TTC23: variants seen among roughly 807,000 people sequenced by gnomAD.
TTC23 encodes tetratricopeptide repeat domain 23.
In TTC23, 58 loss-of-function variants were observed where a neutral mutation model predicts 55.1. The ratio of observed to expected loss-of-function variants is 1.05; its 90% CI spans 0.85 to 1.31. TTC23 has a LOEUF of 1.31. Ranked by LOEUF, TTC23 falls within the 50% of genes most tolerant of loss-of-function variation. TTC23 has a pLI of 0.00. For missense variants in TTC23, 516 were observed against 534.4 expected (o/e 0.97, Z 0.34); for synonymous variants, 203 against 199.9 (o/e 1.02, Z -0.13).
chr15:99,185,904 A>G (rs2074616227), intron 9 of TTC23, among the ~76,000 whole-genome samples: 1 of 152,064 alleles, frequency 6.6e-6, no homozygotes, highest in Non-Finnish European at 1.5e-5. Flanking sequence ...ATGCTTTGGA[A>G]CTTTTCTGTA....
intron 5 of TTC23, among the ~76,000 whole-genome samples, chr15:99,227,522 G>A (rs924498439): frequency 6.6e-6 from 1 of 152,132 alleles, no homozygotes; most frequent in Non-Finnish European, 1.5e-5. Flanking sequence ...CTATGGGAGT[G>A]ACTGTTCTTA....
At chr15:99,209,230 T>C (rs1489277810) in intron 8 of TTC23, among the ~76,000 whole-genome samples, 2 of 152,208 alleles carry the variant, frequency 1.3e-5, no homozygotes. Context: ...TTTTAAAAAC[T>C]CTGGAATTTG....
chr15:99,162,358 C>A (rs761018184), intron 10 of TTC23, among the ~76,000 whole-genome samples: 19 of 152,226 alleles, frequency 1.2e-4, no homozygotes, highest in Non-Finnish European at 2.8e-4. Context: ...ATTCAAAACC[C>A]CAATCATTCC....
chr15:99,243,119 C>G (rs183938745), intron 2 of TTC23, among the ~76,000 whole-genome samples: 1 of 152,038 alleles, frequency 6.6e-6, no homozygotes, highest in Non-Finnish European at 1.5e-5. Flanking sequence ...GGATTAATAA[C>G]CAGAATATAT....
Position 99,156,216 on chromosome 15 carries a change from A to T in TTC23, c.1075T>A (p.Tyr359Asn). The T allele has an allele frequency of 1.9e-6, 3 of 1,614,224 alleles. No homozygotes were observed. The highest frequency in any genetic ancestry group is 2.5e-6 in the Non-Finnish European group (3 of 1,180,044). ...AGGTCTGCTCCTCCCAGGAGCCGGT[A>T]TGTCTCTGCCACCTCGGGACTGAAA... ...GDFSPEVAET[Y>N]RLLGGADLAQ... is the part of the protein sequence containing the mutation. The change falls in exon 12 of 14, where the codon TAC (tyrosine) becomes AAC (asparagine). Residue 359 changes from tyrosine to asparagine, a missense_variant. By Grantham distance (143) the Tyr-to-Asn change is moderately radical. Coordinates refer to ENST00000394132, the MANE Select transcript of TTC23 (RefSeq NM_001288615.3).
chr15:99,171,146 G>A (rs963766551), intron 10 of TTC23, among the ~76,000 whole-genome samples: 1 of 152,216 alleles, frequency 6.6e-6, no homozygotes, highest in African/African-American at 2.4e-5. Context: ...CTGCTTCTCT[G>A]CTCTGGCTCT....
At chr15:99,201,875 G>A (rs2076228980) in intron 8 of TTC23, among the ~76,000 whole-genome samples, 1 of 152,190 alleles carries the variant, frequency 6.6e-6, no homozygotes, top group Non-Finnish European at 1.5e-5. Flanking sequence ...AACCTTTGGT[G>A]ATAGAAAGTC....
intron 10 of TTC23, among the ~76,000 whole-genome samples, chr15:99,164,079 T>A (rs2071733324): frequency 6.6e-6 from 1 of 152,218 alleles, no homozygotes; most frequent in African/African-American, 2.4e-5. Context: ...AGTCTGAATG[T>A]GTACCACCTA....
chr15:99,173,731 G>A (rs2073217516), intron 10 of TTC23, among the ~76,000 whole-genome samples: 1 of 152,190 alleles, frequency 6.6e-6, no homozygotes, highest in Admixed American at 6.5e-5. Context: ...GCAGGTATGG[G>A]TTTTAGTTTG....
intron 9 of TTC23, among the ~76,000 whole-genome samples, chr15:99,178,770 T>C (rs552764298): frequency 6.6e-6 from 1 of 152,250 alleles, no homozygotes; most frequent in African/African-American, 2.4e-5. Context: ...AGGAAAGAGA[T>C]GGCACATGTA....
At chr15:99,186,148 A>G (rs117535697) in intron 9 of TTC23, among the ~76,000 whole-genome samples, 5,406 of 152,340 alleles carry the variant, frequency 0.035, 133 homozygotes, top group Non-Finnish European at 0.056. Context: ...ACTGTTAAGA[A>G]ATAAAAGTAG....
At position 99,137,792 on chromosome 15, in the gene TTC23, A is replaced by G; in HGVS notation, c.*218T>C. 1 of 674,764 alleles carries G rather than the reference A, an allele frequency of 1.5e-6. No individual in the cohort carries two copies. The highest frequency in any genetic ancestry group is 4.2e-4 in the Middle Eastern group (1 of 2,400). 41.8% of individuals were successfully genotyped at this position (674,764 alleles called of 1,614,324 possible). On this transcript the variant is annotated 3_prime_UTR_variant, in exon 14 of 14. Transcript: ENST00000394132. Reference sequence around the variant, plus strand: ...GCAAGAAAAACCACTTAGGTGATAGAAAACTGCTTTATAGCATATATCACC... The same window carrying G: ...GCAAGAAAAACCACTTAGGTGATAGGAAACTGCTTTATAGCATATATCACC...
intron 9 of TTC23, among the ~76,000 whole-genome samples, chr15:99,181,854 C>T (rs2074149996): frequency 6.6e-6 from 1 of 152,104 alleles, no homozygotes; most frequent in South Asian, 2.1e-4. Flanking sequence ...GTTCTGAGGG[C>T]CCTGGACTAA....
At chr15:99,244,142 A>G (rs1359364847) in intron 2 of TTC23, among the ~76,000 whole-genome samples, 1 of 152,182 alleles carries the variant, frequency 6.6e-6, no homozygotes, top group Admixed American at 6.5e-5. Context: ...AAATTAAAAA[A>G]CAAAACCAAA....
chr15:99,223,359 A>C (rs1338837999), intron 5 of TTC23, among the ~76,000 whole-genome samples: 4 of 152,170 alleles, frequency 2.6e-5, no homozygotes, highest in African/African-American at 9.7e-5. Flanking sequence ...GTTAGGGTGG[A>C]CCCTAGTCCA....
intron 3 of TTC23, among the ~76,000 whole-genome samples, chr15:99,240,398 T>C (rs1181645180): frequency 1.3e-5 from 2 of 152,174 alleles, no homozygotes; most frequent in Non-Finnish European, 2.9e-5. Flanking sequence ...TATATATATT[T>C]TTTTTCGCCA....
At chr15:99,147,342 C>T (rs1555494299) in intron 12 of TTC23, among the ~76,000 whole-genome samples, 3 of 151,770 alleles carry the variant, frequency 2.0e-5, no homozygotes, top group African/African-American at 7.3e-5. Flanking sequence ...TCTCCTGCCT[C>T]AGCCTCCCGA....
intron 9 of TTC23, among the ~76,000 whole-genome samples, chr15:99,196,551 G>T (rs1326011106): frequency 6.6e-6 from 1 of 152,182 alleles, no homozygotes; most frequent in East Asian, 1.9e-4. Context: ...GAAACCTGGG[G>T]TAAAGCTGGA....
chr15:99,141,645 C>T (rs1427053296), intron 12 of TTC23, among the ~76,000 whole-genome samples: 1 of 152,132 alleles, frequency 6.6e-6, no homozygotes, highest in South Asian at 2.1e-4. Context: ...ACTACTGAAG[C>T]CTGTTTATTC....
Sources: allele counts gnomAD v4.1 joint callset (sites outside exome capture counted in the v4.1 genomes callset), GRCh38; gene constraint gnomAD v4.1.1; transcripts MANE v1.5; gene names NCBI Gene and HGNC (gene_info 2026-07-23, HGNC 2026-07-21).